Variants in SENP7 observed in about 807,000 individuals in gnomAD.
The protein encoded by SENP7 is sentrin-specific protease 7.
Under a neutral mutation model 141.2 loss-of-function variants are expected in SENP7, and 64 were observed. The ratio of observed to expected loss-of-function variants is 0.45; its 90% CI spans 0.37 to 0.56. The LOEUF (loss-of-function observed/expected upper bound fraction) is 0.56. Among genes scored for constraint, SENP7 ranks in the 20% least tolerant of loss-of-function variants. SENP7 has a pLI of 0.00. For synonymous variants in SENP7, 382 were observed against 426.4 expected, an observed-to-expected ratio of 0.90 and a Z score of 1.28; for missense variants, 1,025 against 1,212.2, an observed-to-expected ratio of 0.85 and a Z score of 2.29.
chr3:101,431,653 G>A (rs562416927), intron 4 of SENP7, among the ~76,000 whole-genome samples: 4 of 151,792 alleles, frequency 2.6e-5, no homozygotes, highest in South Asian at 2.1e-4. Context: ...GTGTGGTGGC[G>A]TGGGTCTGTA....
intron 6 of SENP7, among the ~76,000 whole-genome samples, chr3:101,385,699 C>T: frequency 6.6e-6 from 1 of 152,196 alleles, no homozygotes; most frequent in East Asian, 1.9e-4. Context: ...CCTACCCAAA[C>T]TCAGAGCAAA....
intron 3 of SENP7, among the ~76,000 whole-genome samples, chr3:101,460,811 T>G (rs2107891449): frequency 6.6e-6 from 1 of 152,168 alleles, no homozygotes; most frequent in East Asian, 1.9e-4. Flanking sequence ...AAGTATAGTA[T>G]CCAGGTCAAC....
At position 101,445,803 on chromosome 3, in the gene SENP7, T is replaced by C. The variant is rs190954333; in HGVS notation, c.284+13152A>G. On this transcript the variant is annotated intron_variant, in intron 4 of 23. Coordinates refer to ENST00000394095, the MANE Select transcript of SENP7 (RefSeq NM_020654.5). ...AACTTACAAAGAAACAAAAAGGTCA[T>C]CACATACTGATACAAGCATAAATTC... is the stretch of plus-strand genomic sequence containing the variant. 9.5e-3 allele frequency among the ~76,000 whole-genome samples: 1,444 copies of C among 152,252 alleles called. 25 individuals carry two copies. The highest frequency in any genetic ancestry group is 0.033 in the African/African-American group (1,390 of 41,544).
intron 6 of SENP7, among the ~76,000 whole-genome samples, chr3:101,373,601 T>G (rs963388650): frequency 1.5e-4 from 23 of 152,138 alleles, no homozygotes; most frequent in Admixed American, 1.4e-3. Flanking sequence ...ACATTAAAAG[T>G]TATATGGTTG....
chr3:101,401,531 A>AAAAAAAAAGG (rs557805837), intron 5 of SENP7, among the ~76,000 whole-genome samples: 1 of 151,692 alleles, frequency 6.6e-6, no homozygotes, highest in Non-Finnish European at 1.5e-5. Context: ...TCCATCTCAA[A>AAAAAAAAAGG]AAAAAAAAGG....
chr3:101,400,639 C>A (rs1320174680), intron 5 of SENP7, among the ~76,000 whole-genome samples: 1 of 151,686 alleles, frequency 6.6e-6, no homozygotes, highest in African/African-American at 2.4e-5. Flanking sequence ...TGTGTTCTGA[C>A]TGCTTCACCT....
chr3:101,482,733 T>C (rs2064549061), intron 3 of SENP7, among the ~76,000 whole-genome samples: 1 of 152,054 alleles, frequency 6.6e-6, no homozygotes, highest in African/African-American at 2.4e-5. Context: ...TTAGACACTA[T>C]GGTGACCTAT....
chr3:101,446,734 C>A (rs2062911577), intron 4 of SENP7, among the ~76,000 whole-genome samples: 1 of 151,884 alleles, frequency 6.6e-6, no homozygotes, highest in African/African-American at 2.4e-5. Flanking sequence ...AAAACAGAAA[C>A]ACAACATACC....
intron 8 of SENP7, 147 bp downstream of exon 8, chr3:101,367,679 GTTTT>G (rs1406344479): frequency 5.8e-6 from 3 of 513,812 alleles, no homozygotes; most frequent in African/African-American, 4.0e-5. Flanking sequence ...ATTTAGAATT[GTTTT>G]TTAATAATAA....
intron 11 of SENP7, among the ~76,000 whole-genome samples, chr3:101,355,846 G>A (rs1351799174): frequency 6.6e-6 from 1 of 152,148 alleles, no homozygotes; most frequent in African/African-American, 2.4e-5. Flanking sequence ...CCATGAACAT[G>A]GAATGTTTTT....
chr3:101,431,232 C>T (rs1313845102), intron 4 of SENP7, among the ~76,000 whole-genome samples: 1 of 152,058 alleles, frequency 6.6e-6, no homozygotes, highest in Non-Finnish European at 1.5e-5. Context: ...TCCTGGATAT[C>T]CTTGTTAACC....
At chr3:101,454,243 G>A (rs1192782568) in intron 4 of SENP7, among the ~76,000 whole-genome samples, 1 of 152,222 alleles carries the variant, frequency 6.6e-6, no homozygotes, top group Admixed American at 6.5e-5. Flanking sequence ...TGGGCACAGT[G>A]GCTCACGCCT....
At chr3:101,417,903 T>C in intron 4 of SENP7, 113 bp from the exon 5 acceptor site, 1 of 801,580 alleles carries the variant, frequency 1.2e-6, no homozygotes, top group East Asian at 2.7e-5. Context: ...CAAGCAACTA[T>C]AGTAAATACC....
At chr3:101,460,942 A>T (rs1463843609) in intron 3 of SENP7, among the ~76,000 whole-genome samples, 4 of 152,120 alleles carry the variant, frequency 2.6e-5, no homozygotes, top group Non-Finnish European at 5.9e-5. Context: ...TAAAAGAAAA[A>T]AAGGTATAGT....
intron 3 of SENP7, among the ~76,000 whole-genome samples, chr3:101,467,253 G>A (rs1351808727): frequency 2.0e-5 from 3 of 152,334 alleles, no homozygotes; most frequent in African/African-American, 7.2e-5. Flanking sequence ...CTGCGGGCAG[G>A]GCATGGCTGA....
intron 19 of SENP7, among the ~76,000 whole-genome samples, chr3:101,330,810 G>T (rs781075472): frequency 1.3e-5 from 2 of 152,238 alleles, no homozygotes; most frequent in Non-Finnish European, 2.9e-5. Context: ...TGCTTCATCA[G>T]TTTTTCTTTT....
At chr3:101,436,079 T>A (rs1340704390) in intron 4 of SENP7, among the ~76,000 whole-genome samples, 2 of 151,980 alleles carry the variant, frequency 1.3e-5, no homozygotes, top group East Asian at 3.9e-4. Context: ...AACAAACACA[T>A]AGATCAATGG....
intron 4 of SENP7, among the ~76,000 whole-genome samples, chr3:101,431,623 A>AAAAT (rs1283837410): frequency 1.3e-5 from 2 of 151,606 alleles, no homozygotes; most frequent in Admixed American, 1.3e-4. Flanking sequence ...GTCTCGACTA[A>AAAAT]AAATACAAAA....
chr3:101,378,584 A>T (rs901588301), intron 6 of SENP7, among the ~76,000 whole-genome samples: 1 of 152,168 alleles, frequency 6.6e-6, no homozygotes, highest in Non-Finnish European at 1.5e-5. Context: ...GGTGTAGCAT[A>T]GGCATAATGG....
Sources: gnomAD v4.1 joint callset for allele counts (sites outside exome capture counted in the v4.1 genomes callset) on GRCh38, gnomAD v4.1.1 for gene constraint, MANE v1.5 for transcripts, NCBI Gene and HGNC (gene_info 2026-07-23, HGNC 2026-07-21) for gene names.